Variants in SORD observed in about 807,000 individuals in gnomAD.
SORD encodes sorbitol dehydrogenase, also known as (R,R)-butanediol dehydrogenase.
A neutral mutation model predicts 35.6 loss-of-function variants in SORD; 18 were observed. The observed-to-expected ratio is 0.51, with a 90% CI of 0.35 to 0.75. The LOEUF (loss-of-function observed/expected upper bound fraction) is 0.75, where lower values mean the gene tolerates loss of function less well. SORD is among the 30% of genes least tolerant of loss of function. SORD has a pLI of 0.01. For synonymous variants in SORD, 106 were observed against 152.9 expected (o/e 0.69, Z 2.26); for missense variants, 250 against 390.2 (o/e 0.64, Z 3.03).
rs55713047 is a variant in SORD at position 45,069,043 on chromosome 15, G to A, written c.777G>A (p.Ala259=). ...ECTGAEASIQ[A]GIYATRSGGN... is the part of the protein sequence containing the mutation. Reference sequence around the variant, plus strand: ...CGGGGGCAGAGGCCTCCATCCAGGCGGGCATCTACGTGAGTGGGCTGAGGG... The same window carrying A: ...CGGGGGCAGAGGCCTCCATCCAGGCAGGCATCTACGTGAGTGGGCTGAGGG... The change falls in exon 7 of 9, where the codon GCG becomes GCA. Residue 259 remains alanine, a synonymous_variant. Coordinates refer to ENST00000267814, the MANE Select transcript of SORD (RefSeq NM_003104.6). 0.015 allele frequency: 23,842 copies of A among 1,601,744 alleles called. 297 individuals are homozygous for A. The highest frequency in any genetic ancestry group is 0.041 in the East Asian group (1,817 of 44,380).
chr15:45,035,806 G>C (rs956896779), intron 1 of SORD, among the ~76,000 whole-genome samples: 6 of 151,088 alleles, frequency 4.0e-5, no homozygotes, highest in Non-Finnish European at 8.8e-5. Flanking sequence ...AACAACTCCA[G>C]ACGCGCCGCC....
chr15:45,072,561 T>C, intron 8 of SORD, 123 bp downstream of exon 8: 2 of 515,752 alleles, frequency 3.9e-6, no homozygotes. Context: ...CTGGCCACAC[T>C]GATAGCTGTG....
At chr15:45,037,477 G>A (rs1455401916) in intron 1 of SORD, among the ~76,000 whole-genome samples, 1 of 152,178 alleles carries the variant, frequency 6.6e-6, no homozygotes, top group Non-Finnish European at 1.5e-5. Flanking sequence ...GTATGCTGTG[G>A]AACTGTCTTT....
chr15:45,068,247 G>T lies in SORD; in HGVS notation c.610+1G>T. Reference sequence around the variant, plus strand: ...GGAGCAGCTCAAGTAGTGGTGACTGGTAAGACTTTGTTCTTTATCAATCTC... The same window carrying T: ...GGAGCAGCTCAAGTAGTGGTGACTGTTAAGACTTTGTTCTTTATCAATCTC... On this transcript the variant is annotated splice_donor_variant, in intron 6 of 8. Transcript: ENST00000267814. LOFTEE classifies it high-confidence loss of function. 6.2e-7 allele frequency: 1 copy of T among 1,609,130 alleles called. No individual in the cohort carries two copies. Among genetic ancestry groups the T allele is most frequent in the Non-Finnish European group, 8.5e-7 (1 of 1,175,426 alleles).
At chr15:45,056,351 CAGAG>C (rs1403179809) in intron 3 of SORD, among the ~76,000 whole-genome samples, 1 of 151,984 alleles carries the variant, frequency 6.6e-6, no homozygotes, top group East Asian at 1.9e-4. Context: ...CAATAACAGA[CAGAG>C]AGCCAAATCA....
intron 1 of SORD, among the ~76,000 whole-genome samples, chr15:45,023,722 C>T (rs1278180980): frequency 6.6e-6 from 1 of 152,186 alleles, no homozygotes; most frequent in African/African-American, 2.4e-5. Context: ...CGGGGCAGAC[C>T]GTGCAGAGCA....
intron 4 of SORD, among the ~76,000 whole-genome samples, chr15:45,061,699 C>G (rs2141121869): frequency 6.6e-6 from 1 of 151,954 alleles, no homozygotes; most frequent in East Asian, 1.9e-4. Flanking sequence ...AACCCCATCT[C>G]TACTAAAAAA....
chr15:45,030,558 C>G (rs1384732344), intron 1 of SORD, among the ~76,000 whole-genome samples: 9 of 152,222 alleles, frequency 5.9e-5, no homozygotes, highest in African/African-American at 2.2e-4. Flanking sequence ...ATTACATAGA[C>G]CCGAACACAG....
intron 3 of SORD, among the ~76,000 whole-genome samples, chr15:45,050,863 G>A (rs1305953881): frequency 6.6e-6 from 1 of 152,152 alleles, no homozygotes; most frequent in Non-Finnish European, 1.5e-5. Context: ...AAATTCCCTT[G>A]ACTCTGAAAA....
At chr15:45,068,510 A>C (rs1893447781) in intron 6 of SORD, among the ~76,000 whole-genome samples, 1 of 151,632 alleles carries the variant, frequency 6.6e-6, no homozygotes, top group Non-Finnish European at 1.5e-5. Context: ...GAGGGTGTAG[A>C]GCAGGGGTGT....
At chr15:45,031,307 C>T (rs1251843988) in intron 1 of SORD, among the ~76,000 whole-genome samples, 1 of 150,374 alleles carries the variant, frequency 6.7e-6, no homozygotes, top group Non-Finnish European at 1.5e-5. Context: ...GAACCCATCT[C>T]TTAAAACAAC....
At chr15:45,037,252 C>T (rs1191029526) in intron 1 of SORD, among the ~76,000 whole-genome samples, 1 of 152,250 alleles carries the variant, frequency 6.6e-6, no homozygotes. Context: ...ACAGCACCCT[C>T]TCGTGTCTGG....
chr15:45,024,043 C>G (rs1484733658), intron 1 of SORD, among the ~76,000 whole-genome samples: 1 of 152,226 alleles, frequency 6.6e-6, no homozygotes, highest in East Asian at 1.9e-4. Context: ...TCCCGTGCCT[C>G]TGTCCCTTTA....
chr15:45,023,547 G>T (rs1450772919), intron 1 of SORD, among the ~76,000 whole-genome samples, 198 bp downstream of exon 1: 2 of 152,348 alleles, frequency 1.3e-5, no homozygotes, highest in East Asian at 3.9e-4. Flanking sequence ...GGATCTAGTC[G>T]TGTGCCTCCC....
rs2006128 is a variant in SORD at position 45,068,384 on chromosome 15, A to G, written c.610+138A>G. The G allele has an allele frequency of 2.1e-3, 1,475 of 691,662 alleles. 8 individuals are homozygous for G. The highest frequency in any genetic ancestry group is 6.8e-3 in the South Asian group (421 of 62,252). 42.8% of individuals were successfully genotyped at this position (691,662 alleles called of 1,614,324 possible). The stretch of plus-strand genomic sequence containing the variant: ...GTCATATGGATTGTGGAAATATAGA[A>G]GAGTGTGAGTGTGTGTTTTGTGTTA... On this transcript the variant is annotated intron_variant, in intron 6 of 8. Transcript: ENST00000267814.
At chr15:45,044,956 C>G (rs1178801816) in intron 3 of SORD, among the ~76,000 whole-genome samples, 1 of 152,092 alleles carries the variant, frequency 6.6e-6, no homozygotes, top group East Asian at 1.9e-4. Context: ...CCTTTGCCTC[C>G]CAAACTGCTG....
At chr15:45,058,955 C>T (rs1330701602) in intron 3 of SORD, among the ~76,000 whole-genome samples, 1 of 152,148 alleles carries the variant, frequency 6.6e-6, no homozygotes, top group Non-Finnish European at 1.5e-5. Flanking sequence ...CTCCACCCCA[C>T]CCCATGCAAG....
chr15:45,025,282 G>C (rs909154020), intron 1 of SORD, among the ~76,000 whole-genome samples: 2 of 152,180 alleles, frequency 1.3e-5, no homozygotes, highest in Non-Finnish European at 2.9e-5. Context: ...GGAAGTGGTA[G>C]CGTCATTTAC....
At chr15:45,060,482 A>G (rs1178148417) in intron 3 of SORD, among the ~76,000 whole-genome samples, 1 of 152,176 alleles carries the variant, frequency 6.6e-6, no homozygotes, top group Non-Finnish European at 1.5e-5. Flanking sequence ...CTACTGTACC[A>G]GAGTCCTCTG....
Sources: gnomAD v4.1 joint callset for allele counts (sites outside exome capture counted in the v4.1 genomes callset) on GRCh38, gnomAD v4.1.1 for gene constraint, MANE v1.5 for transcripts, NCBI Gene and HGNC (gene_info 2026-07-23, HGNC 2026-07-21) for gene names.